The following PODXL variants were observed in gnomAD, a reference collection of about 807,000 sequenced individuals.
The protein encoded by PODXL is podocalyxin.
PODXL carries 20 observed loss-of-function variants against 48.9 expected under a neutral mutation model. The observed-to-expected ratio is 0.41, with a 90% confidence interval of 0.29 to 0.59. The LOEUF is 0.59. PODXL is among the 20% of genes least tolerant of loss of function. The pLI is 0.31. For missense variants in PODXL, 606 were observed against 675.1 expected (o/e 0.90, Z 1.13); for synonymous variants, 295 against 287.4 (o/e 1.03, Z -0.27).
chr7:131,553,100 C>A (rs1209688442), intron 1 of PODXL, among the ~76,000 whole-genome samples: 1 of 152,152 alleles, frequency 6.6e-6, no homozygotes, highest in African/African-American at 2.4e-5. Flanking sequence ...GTGGAATTTT[C>A]TCTCCAGTTC....
chr7:131,552,434 C>T (rs997547961), intron 1 of PODXL, among the ~76,000 whole-genome samples: 2 of 152,206 alleles, frequency 1.3e-5, no homozygotes, highest in African/African-American at 2.4e-5. Flanking sequence ...CTTCCCCTCT[C>T]AGCTTTCCAC....
At chr7:131,531,085 A>T (rs1798273771) in intron 1 of PODXL, among the ~76,000 whole-genome samples, 2 of 152,078 alleles carry the variant, frequency 1.3e-5, no homozygotes, top group Admixed American at 1.3e-4. Flanking sequence ...CAGTACGCTT[A>T]ATTCCCTGCC....
At position 131,511,041 on chromosome 7, in the gene PODXL, T is replaced by C; in HGVS notation, c.493A>G (p.Ser165Gly). ...TTNSGGKSSH[S>G]VTTDLTSTKA... ...GTGGATGTGAGGTCTGTGGTCACAC[T>C]GTGGCTGCTTTTCCCCCCAGAGTTT... Residue 165 changes from serine (S) to glycine (G), a missense_variant, in exon 2 of 9, where the codon AGT becomes GGT. Physicochemically the swap from Ser to Gly is moderately conservative, Grantham distance 56. Transcript: ENST00000378555. 1 of 1,614,206 alleles carries C rather than the reference T, an allele frequency of 6.2e-7. No individual in the cohort carries two copies. The highest frequency in any genetic ancestry group is 8.5e-7 in the Non-Finnish European group (1 of 1,180,030).
chr7:131,504,648 C>T, intron 8 of PODXL, 140 bp from the exon 9 acceptor site: 1 of 693,354 alleles, frequency 1.4e-6, no homozygotes, highest in Non-Finnish European at 2.5e-6. Flanking sequence ...GGGCTGGCTG[C>T]TCCTGGTGGT....
rs990835207 is a variant in PODXL, at chr7:131,556,592, G to A, written c.-233C>T. 98 of 348,440 alleles carry A rather than the reference G, an allele frequency of 2.8e-4. No homozygotes were observed. The highest frequency in any genetic ancestry group is 1.0e-4 in the Admixed American group (2 of 19,478). The allele number at this position is 348,440 out of a possible 1,614,324, so 21.6% of individuals were successfully genotyped here. On this transcript the variant is annotated 5_prime_UTR_variant, in exon 1 of 9. Coordinates refer to ENST00000378555, the MANE Select transcript of PODXL (RefSeq NM_001018111.3). ...CAGAGGAGCGGCGGCGGCGGCGGCTGCGTCCTGGGCGGCGTCTGCGCGGCT... is the reference window on the plus strand; with the variant it reads ...CAGAGGAGCGGCGGCGGCGGCGGCTACGTCCTGGGCGGCGTCTGCGCGGCT...
chr7:131,538,761 T>C (rs1374918684), intron 1 of PODXL, among the ~76,000 whole-genome samples: 1 of 152,250 alleles, frequency 6.6e-6, no homozygotes, highest in East Asian at 1.9e-4. Context: ...CCCACTGTTG[T>C]TGCTGTTGCT....
chr7:131,552,391 G>A (rs1461050716), intron 1 of PODXL, among the ~76,000 whole-genome samples: 1 of 152,156 alleles, frequency 6.6e-6, no homozygotes, highest in African/African-American at 2.4e-5. Context: ...TCCCTGCAAG[G>A]GGGGGAATTC....
At position 131,537,823 on chromosome 7, in the gene PODXL, G is replaced by A. The variant is rs1182074144; in HGVS notation, c.100+18437C>T. Among the ~76,000 whole-genome samples the A allele has an allele frequency of 9.9e-5, 15 of 152,258 alleles. No homozygotes were observed. In the South Asian group the frequency reaches 2.1e-3, roughly 21 times the overall value. Reference sequence around the variant, plus strand: ...TTCATATCAATGGCATCACACCGTCGTGACTCTTGGGTCTGGCTTCCCTCA... The same window carrying A: ...TTCATATCAATGGCATCACACCGTCATGACTCTTGGGTCTGGCTTCCCTCA... On this transcript the variant is annotated intron_variant, in intron 1 of 8. Coordinates refer to ENST00000378555, the MANE Select transcript of PODXL (RefSeq NM_001018111.3).
At chr7:131,506,815 G>A (rs1797813743) in intron 5 of PODXL, 89 bp from the exon 6 acceptor site, 2 of 1,420,320 alleles carry the variant, frequency 1.4e-6, no homozygotes, top group Non-Finnish European at 2.0e-6. Context: ...GGTCGGGACA[G>A]TGCTGTTGCT....
intron 1 of PODXL, among the ~76,000 whole-genome samples, chr7:131,522,576 G>A (rs1194331731): frequency 1.3e-5 from 2 of 152,182 alleles, no homozygotes; most frequent in Non-Finnish European, 2.9e-5. Context: ...AGCCCCGGGT[G>A]CACCGAAGGT....
chr7:131,526,227 C>T (rs572903249), intron 1 of PODXL, among the ~76,000 whole-genome samples: 136 of 151,824 alleles, frequency 9.0e-4, no homozygotes, highest in Non-Finnish European at 1.7e-3. Flanking sequence ...AAAAATGAAA[C>T]GAAGAGGAAG....
intron 1 of PODXL, among the ~76,000 whole-genome samples, chr7:131,546,761 T>A (rs113926544): frequency 0.036 from 5,293 of 147,270 alleles, 229 homozygotes; most frequent in African/African-American, 0.1. Flanking sequence ...AAGTCTGTTT[T>A]GACTCAAAGC....
rs187786761 is a variant in PODXL at position 131,509,407 on chromosome 7, G to A, written c.981C>T (p.Tyr327=). ...SPTAASTTHR[Y]PKTPSPTVAH... is the part of the protein sequence containing the mutation. ...CCACAGTGGGAGAAGGTGTTTTGGG[G>A]TATCGGTGGGTAGTTGATGCTGCTG... The change falls in exon 4 of 9, where the codon TAC becomes TAT. Residue 327 remains tyrosine, a synonymous_variant. Coordinates refer to ENST00000378555, the MANE Select transcript of PODXL (RefSeq NM_001018111.3). 603 of 1,614,118 alleles carry A rather than the reference G, an allele frequency of 3.7e-4. No individual in the cohort carries two copies. The Middle Eastern group carries it at 4.0e-3, about 11-fold the overall frequency.
At chr7:131,512,008 G>A (rs1160923590) in intron 1 of PODXL, among the ~76,000 whole-genome samples, 2 of 152,190 alleles carry the variant, frequency 1.3e-5, no homozygotes, top group Non-Finnish European at 2.9e-5. Flanking sequence ...ACAGACTAAT[G>A]CTTCCTGAAC....
chr7:131,535,596 C>T (rs764491862), intron 1 of PODXL, among the ~76,000 whole-genome samples: 3 of 152,156 alleles, frequency 2.0e-5, no homozygotes, highest in Non-Finnish European at 2.9e-5. Flanking sequence ...CAGTCTCTGC[C>T]GCAACTACTC....
chr7:131,545,390 C>T (rs898775012), intron 1 of PODXL, among the ~76,000 whole-genome samples: 22 of 152,310 alleles, frequency 1.4e-4, no homozygotes, highest in Middle Eastern at 3.4e-3. Context: ...TTATAGCTAA[C>T]GCTTTTCCAG....
At chr7:131,521,169 A>AC (rs1798086417) in intron 1 of PODXL, among the ~76,000 whole-genome samples, 1 of 151,632 alleles carries the variant, frequency 6.6e-6, no homozygotes, top group South Asian at 2.1e-4. Context: ...AAAAAAAAAA[A>AC]AAAGCTGAGA....
intron 1 of PODXL, among the ~76,000 whole-genome samples, chr7:131,547,067 G>T (rs541059275): frequency 6.6e-6 from 1 of 152,138 alleles, no homozygotes; most frequent in African/African-American, 2.4e-5. Context: ...TAGGGCTGAC[G>T]CCAATACAAG....
chr7:131,549,759 C>T (rs189301200), intron 1 of PODXL, among the ~76,000 whole-genome samples: 4 of 152,328 alleles, frequency 2.6e-5, no homozygotes, highest in Admixed American at 2.6e-4. Context: ...GAGGCACATA[C>T]ATAGCCTTCT....
Sources: allele counts gnomAD v4.1 joint callset (sites outside exome capture counted in the v4.1 genomes callset), GRCh38; gene constraint gnomAD v4.1.1; transcripts MANE v1.5; gene names NCBI Gene and HGNC (gene_info 2026-07-23, HGNC 2026-07-21).